SRPK1: variants seen among roughly 807,000 people sequenced by gnomAD.
SRPK1 encodes SFRS protein kinase 1.
Under a neutral mutation model 89.5 loss-of-function variants are expected in SRPK1, and 52 were observed. The ratio of observed to expected loss-of-function variants is 0.58; its 90% CI spans 0.46 to 0.73. The LOEUF (loss-of-function observed/expected upper bound fraction) is 0.73, where lower values mean the gene tolerates loss of function less well. Among genes scored for constraint, SRPK1 ranks in the 30% least tolerant of loss-of-function variants. SRPK1 has a pLI of 0.00. For synonymous variants in SRPK1, 255 were observed against 270.2 expected, an observed-to-expected ratio of 0.94 and a Z score of 0.55; for missense variants, 603 against 780.6, an observed-to-expected ratio of 0.77 and a Z score of 2.71.
intron 13 of SRPK1, among the ~76,000 whole-genome samples, chr6:35,850,357 C>T (rs1289675235): frequency 1.3e-5 from 2 of 152,038 alleles, no homozygotes; most frequent in Non-Finnish European, 2.9e-5. Flanking sequence ...GTGTTTAGTG[C>T]TCTGCAAACA....
intron 2 of SRPK1, among the ~76,000 whole-genome samples, chr6:35,900,957 C>A (rs1770728045): frequency 6.6e-6 from 1 of 152,090 alleles, no homozygotes; most frequent in South Asian, 2.1e-4. Flanking sequence ...AGTTCAAGGC[C>A]AGCCTGAGCA....
chr6:35,841,787 G>A (rs892124640), intron 14 of SRPK1, among the ~76,000 whole-genome samples: 6 of 131,788 alleles, frequency 4.6e-5, no homozygotes, highest in Admixed American at 1.8e-4. Context: ...AGCCGAGATC[G>A]CACCACCGCA....
intron 6 of SRPK1, among the ~76,000 whole-genome samples, chr6:35,875,574 C>T (rs1269830633): frequency 1.3e-5 from 2 of 152,150 alleles, no homozygotes; most frequent in Admixed American, 6.5e-5. Context: ...AACAAGTCCA[C>T]ACTGATCTGA....
At chr6:35,887,808 G>A (rs995977187) in intron 5 of SRPK1, 7 of 375,136 alleles carry the variant, frequency 1.9e-5, no homozygotes, top group Admixed American at 4.5e-5. Context: ...TGGTTCATGC[G>A]TGTAAGAAGA....
chr6:35,855,830 G>A (rs1323978760), intron 13 of SRPK1, among the ~76,000 whole-genome samples: 3 of 152,194 alleles, frequency 2.0e-5, no homozygotes, highest in Non-Finnish European at 2.9e-5. Context: ...TGCTTCCCAG[G>A]TTCAAGCGAT....
intron 15 of SRPK1, among the ~76,000 whole-genome samples, 184 bp downstream of exon 15, chr6:35,838,153 C>A (rs1276999638): frequency 6.6e-6 from 1 of 152,098 alleles, no homozygotes; most frequent in African/African-American, 2.4e-5. Flanking sequence ...CAGGTATGAG[C>A]CACCGCGCCC....
At chr6:35,860,237 A>G (rs527525630) in intron 12 of SRPK1, among the ~76,000 whole-genome samples, 70 of 152,300 alleles carry the variant, frequency 4.6e-4, no homozygotes, top group African/African-American at 1.6e-3. Context: ...TTAATGTCCA[A>G]TGTTAACAGT....
chr6:35,884,771 C>T (rs1007138749), intron 6 of SRPK1, among the ~76,000 whole-genome samples: 16 of 152,054 alleles, frequency 1.1e-4, no homozygotes, highest in South Asian at 2.1e-4. Flanking sequence ...GAGGCCGAGG[C>T]GGGCAGATCA....
intron 2 of SRPK1, among the ~76,000 whole-genome samples, chr6:35,897,533 G>A (rs1368347219): frequency 6.6e-6 from 1 of 152,198 alleles, no homozygotes; most frequent in Non-Finnish European, 1.5e-5. Context: ...ATTCATTTAT[G>A]AGACAGGGTC....
intron 13 of SRPK1, among the ~76,000 whole-genome samples, chr6:35,847,656 C>T (rs777905387): frequency 6.6e-6 from 1 of 151,828 alleles, no homozygotes; most frequent in South Asian, 2.1e-4. Context: ...GAAAAATAAA[C>T]CAAGAGAACA....
intron 2 of SRPK1, among the ~76,000 whole-genome samples, chr6:35,907,734 A>T (rs997559096): frequency 1.3e-5 from 2 of 152,112 alleles, no homozygotes. Flanking sequence ...AATAAAAAAT[A>T]AGTAAGATGG....
chr6:35,900,044 G>A (rs1274700810), intron 2 of SRPK1, among the ~76,000 whole-genome samples: 2 of 151,250 alleles, frequency 1.3e-5, no homozygotes, highest in African/African-American at 2.4e-5. Flanking sequence ...AAAATAAAAA[G>A]ATTCCTTTGG....
chr6:35,854,822 A>G (rs1354129121), intron 13 of SRPK1, among the ~76,000 whole-genome samples: 1 of 152,258 alleles, frequency 6.6e-6, no homozygotes. Context: ...TTAACCAGCT[A>G]CACTTTATAG....
intron 9 of SRPK1, 30 bp downstream of exon 9, chr6:35,870,904 A>C: frequency 6.3e-7 from 1 of 1,574,966 alleles, no homozygotes. Context: ...CCATAGATCA[A>C]AATTAAATAT....
intron 13 of SRPK1, among the ~76,000 whole-genome samples, chr6:35,846,418 C>T (rs1035925564): frequency 2.6e-5 from 4 of 151,926 alleles, no homozygotes; most frequent in Admixed American, 6.6e-5. Context: ...TGGTGAATCC[C>T]GTCTCTACCA....
chr6:35,916,271 G>C (rs963145573), intron 2 of SRPK1, among the ~76,000 whole-genome samples: 6 of 149,788 alleles, frequency 4.0e-5, no homozygotes, highest in African/African-American at 1.5e-4. Flanking sequence ...TTAAATTATG[G>C]CATATCAACT....
Position 35,870,382 on chromosome 6 carries a change from C to T in SRPK1, c.890G>A (p.Gly297Asp). 1 of 1,601,742 alleles carries T rather than the reference C, an allele frequency of 6.2e-7. No individual in the cohort carries two copies. Among genetic ancestry groups the T allele is most frequent in the Non-Finnish European group, 8.5e-7 (1 of 1,173,386 alleles). ...CTTGTTTGGTCTTTTTTGCCCAGGG[C>T]CCGACTCTTTCTCCATTTCCTCAAT... Reference protein sequence around the residue: ...QEIEEMEKESGPGQKRPNKQE... With the variant: ...QEIEEMEKESDPGQKRPNKQE... The change falls in exon 10 of 16, where the codon GGC (glycine) becomes GAC (aspartate). Residue 297 changes from glycine (G) to aspartate (D), a missense_variant. Physicochemically the swap from Gly to Asp is moderately conservative, Grantham distance 94 (BLOSUM62 -1). Coordinates refer to ENST00000373825, the MANE Select transcript of SRPK1 (RefSeq NM_003137.5).
intron 6 of SRPK1, among the ~76,000 whole-genome samples, chr6:35,880,746 A>AAAAAAAGAAAAAAAAG (rs1770263877): frequency 1.1e-5 from 1 of 89,204 alleles, no homozygotes; most frequent in Non-Finnish European, 2.2e-5. Context: ...AAAAAAAAAA[A>AAAAAAAGAAAAAAAAG]AAAAGAAAAG....
rs1769120349 is a variant in SRPK1 at position 35,834,033 on chromosome 6, T to C, written c.*1271A>G. 1 of 152,590 alleles carries C rather than the reference T, an allele frequency of 6.6e-6. No homozygotes were observed. The highest frequency in any genetic ancestry group is 6.5e-5 in the Admixed American group (1 of 15,272). 9.5% of individuals were successfully genotyped at this position (152,590 alleles called of 1,614,324 possible). A position where few individuals can be genotyped will look rare whatever the true frequency, so the allele number is the denominator to read the frequency against. On this transcript the variant is annotated 3_prime_UTR_variant, in exon 16 of 16. Transcript: ENST00000373825. ...ATCCTAAAAAAAAAATTGCAAAGTC[T>C]TTTCTCAATTAAAACAAAAAAGCCT...
Sources: gnomAD v4.1 joint callset for allele counts (sites outside exome capture counted in the v4.1 genomes callset) on GRCh38, gnomAD v4.1.1 for gene constraint, MANE v1.5 for transcripts, NCBI Gene and HGNC (gene_info 2026-07-23, HGNC 2026-07-21) for gene names.